The following PTPRZ1 variants were observed in gnomAD, a reference collection of about 807,000 sequenced individuals.
PTPRZ1 encodes the protein receptor-type tyrosine-protein phosphatase zeta.
In PTPRZ1, 82 loss-of-function variants were observed where a neutral mutation model predicts 214.1. That is an observed-to-expected ratio of 0.38 (90% CI 0.32 to 0.46). The LOEUF (loss-of-function observed/expected upper bound fraction) is 0.46. Among genes scored for constraint, PTPRZ1 ranks in the 20% least tolerant of loss-of-function variants. The pLI is 1.00. For missense variants in PTPRZ1, 2,603 were observed against 2,748.7 expected (o/e 0.95, Z 1.19); for synonymous variants, 945 against 987.9 (o/e 0.96, Z 0.81).
chr7:121,892,259 T>C (rs1166261238), intron 1 of PTPRZ1, among the ~76,000 whole-genome samples: 1 of 152,138 alleles, frequency 6.6e-6, no homozygotes, highest in Non-Finnish European at 1.5e-5. Context: ...CAAATAAAAT[T>C]ATTTGGTTAC....
At chr7:122,013,964 AAGAT>A (rs1798769158) in intron 12 of PTPRZ1, 75 bp downstream of exon 12, 10 of 1,307,046 alleles carry the variant, frequency 7.7e-6, no homozygotes, top group Admixed American at 2.6e-5. Flanking sequence ...AAATTATAGA[AAGAT>A]AGAAATTTGG....
intron 22 of PTPRZ1, among the ~76,000 whole-genome samples, chr7:122,042,966 G>A (rs779077203): frequency 1.3e-5 from 2 of 152,172 alleles, no homozygotes; most frequent in Non-Finnish European, 2.9e-5. Context: ...GTAGCCCCAT[G>A]CATTGCGTGG....
At chr7:121,879,605 A>G (rs1794168887) in intron 1 of PTPRZ1, among the ~76,000 whole-genome samples, 1 of 152,192 alleles carries the variant, frequency 6.6e-6, no homozygotes. Context: ...AGGATGTGCT[A>G]CACAAGTTTA....
intron 2 of PTPRZ1, among the ~76,000 whole-genome samples, chr7:121,961,272 T>A (rs1796869013): frequency 6.6e-6 from 1 of 152,172 alleles, no homozygotes; most frequent in Admixed American, 6.5e-5. Context: ...AATCTGCCTT[T>A]CTGTCTCCCT....
intron 14 of PTPRZ1, among the ~76,000 whole-genome samples, chr7:122,029,741 T>C (rs574496619): frequency 5.0e-4 from 76 of 151,720 alleles, no homozygotes; most frequent in Non-Finnish European, 7.8e-4. Context: ...ATGTTTGTTA[T>C]ATGTTTATGT....
intron 8 of PTPRZ1, among the ~76,000 whole-genome samples, chr7:121,993,543 C>A (rs552037050): frequency 2.9e-5 from 4 of 139,832 alleles, no homozygotes; most frequent in African/African-American, 1.1e-4. Context: ...GCACTGCACT[C>A]CAACCTGGAT....
At chr7:121,880,457 T>A (rs573673742) in intron 1 of PTPRZ1, among the ~76,000 whole-genome samples, 6 of 152,186 alleles carry the variant, frequency 3.9e-5, no homozygotes, top group Admixed American at 1.3e-4. Context: ...TAGCACTTAC[T>A]GGATAAATTT....
chr7:122,049,834 A>G (rs1792113344), intron 23 of PTPRZ1, among the ~76,000 whole-genome samples: 1 of 152,148 alleles, frequency 6.6e-6, no homozygotes. Flanking sequence ...ACCTATACTG[A>G]AAAGGAAATA....
At chr7:121,877,362 G>A (rs1241466512) in intron 1 of PTPRZ1, among the ~76,000 whole-genome samples, 1 of 152,150 alleles carries the variant, frequency 6.6e-6, no homozygotes, top group Non-Finnish European at 1.5e-5. Context: ...TTGCTTTCAT[G>A]TGATGTGATG....
Position 121,886,269 on chromosome 7 carries a change from C to T in PTPRZ1, c.58+12712C>T, listed in dbSNP as rs946433055. 9.8e-4 allele frequency among the ~76,000 whole-genome samples: 149 copies of T among 152,216 alleles called. 3 individuals carry two copies. The highest frequency in any genetic ancestry group is 1.5e-3 in the Admixed American group (23 of 15,268). On this transcript the variant is annotated intron_variant, in intron 1 of 29. Transcript: ENST00000393386. ...AAATATTAATATGTGCACATATAAT[C>T]CTACCTGGGATCTGTAGACTGGAGT...
At chr7:121,917,813 TA>T (rs1025681905) in intron 1 of PTPRZ1, among the ~76,000 whole-genome samples, 1 of 152,020 alleles carries the variant, frequency 6.6e-6, no homozygotes, top group African/African-American at 2.4e-5. Context: ...AAAAGAGGCA[TA>T]AAAAAATATG....
chr7:121,959,538 T>A (rs920294209), intron 2 of PTPRZ1, among the ~76,000 whole-genome samples: 6 of 152,220 alleles, frequency 3.9e-5, no homozygotes, highest in Non-Finnish European at 8.8e-5. Context: ...TCCTTTGCTT[T>A]GAGTCAGTTT....
chr7:121,922,968 C>A (rs1208113977), intron 1 of PTPRZ1, among the ~76,000 whole-genome samples: 1 of 152,140 alleles, frequency 6.6e-6, no homozygotes, highest in Admixed American at 6.5e-5. Context: ...CAGTAGACTA[C>A]CTCCTCACTT....
At chr7:122,059,063 T>A in intron 28 of PTPRZ1, 121 bp downstream of exon 28, 1 of 994,120 alleles carries the variant, frequency 1.0e-6, no homozygotes, top group Middle Eastern at 2.2e-4. Flanking sequence ...CATGGTGGAT[T>A]ATCTGCATCT....
At chr7:121,894,777 A>G (rs1794739008) in intron 1 of PTPRZ1, among the ~76,000 whole-genome samples, 1 of 152,052 alleles carries the variant, frequency 6.6e-6, no homozygotes. Context: ...TGTCTTAAGG[A>G]TATGTAGTTT....
intron 1 of PTPRZ1, among the ~76,000 whole-genome samples, chr7:121,921,218 TACTA>T (rs765894162): frequency 1.2e-4 from 18 of 152,172 alleles, no homozygotes; most frequent in Non-Finnish European, 1.6e-4. Context: ...TAGGAAAATA[TACTA>T]ACTACTTATC....
chr7:121,930,474 C>A (rs2116381527), intron 2 of PTPRZ1, among the ~76,000 whole-genome samples: 1 of 152,090 alleles, frequency 6.6e-6, no homozygotes, highest in East Asian at 1.9e-4. Flanking sequence ...GAAGTTTAAT[C>A]AAAAAGGTTG....
At chr7:121,969,835 G>T (rs1237597911) in intron 3 of PTPRZ1, among the ~76,000 whole-genome samples, 1 of 151,098 alleles carries the variant, frequency 6.6e-6, no homozygotes, top group African/African-American at 2.4e-5. Context: ...AAGTTCTAGG[G>T]TACATGTGCA....
At chr7:121,919,800 A>G (rs1215436314) in intron 1 of PTPRZ1, among the ~76,000 whole-genome samples, 2 of 127,576 alleles carry the variant, frequency 1.6e-5, no homozygotes, top group Admixed American at 7.4e-5. Context: ...GCTTTTTTCT[A>G]TTGATCTGTC....
Sources: gnomAD v4.1 joint callset for allele counts (sites outside exome capture counted in the v4.1 genomes callset) on GRCh38, gnomAD v4.1.1 for gene constraint, MANE v1.5 for transcripts, NCBI Gene and HGNC (gene_info 2026-07-23, HGNC 2026-07-21) for gene names.